MYOZ1: variants seen among roughly 807,000 people sequenced by gnomAD.
MYOZ1 encodes myozenin-1.
MYOZ1 carries 20 observed loss-of-function variants against 28.7 expected under a neutral mutation model. That is an observed-to-expected ratio of 0.70 (90% CI 0.49 to 1.01). The LOEUF (loss-of-function observed/expected upper bound fraction) is 1.01. MYOZ1 is among the 50% of genes least tolerant of loss of function. The pLI, the probability that MYOZ1 is intolerant of heterozygous loss-of-function variation, is 0.00. For synonymous variants in MYOZ1, 144 were observed against 145.8 expected (o/e 0.99, Z 0.09); for missense variants, 371 against 372.4 (o/e 1.00, Z 0.03).
chr10:73,636,491 C>A (rs2081667971), intron 3 of MYOZ1, among the ~76,000 whole-genome samples: 1 of 152,002 alleles, frequency 6.6e-6, no homozygotes, highest in Non-Finnish European at 1.5e-5. Flanking sequence ...TTCTCTGTCA[C>A]CCAGGCTGGA....
In MYOZ1 at chr10:73,634,725, G is replaced by A. The variant is rs759500912; in HGVS notation, c.261C>T (p.Phe87=). 3.7e-6 allele frequency: 6 copies of A among 1,611,690 alleles called. No individual in the cohort carries two copies. Among genetic ancestry groups the A allele is most frequent in the Non-Finnish European group, 5.1e-6 (6 of 1,178,108 alleles). ...CCCCCACTGTTGGAAGGAACTTCTG[G>A]AAGTGATCCTGAAAAGAAGACAAAG... ...DVFSDSSMDH[F]QKFLPTVGGQ... is the part of the protein sequence containing the mutation. Residue 87 remains phenylalanine, a synonymous_variant, in exon 4 of 6, where the codon TTC becomes TTT. Transcript: ENST00000359322.
Position 73,640,137 on chromosome 10 carries a change from G to A in MYOZ1, c.-18-102C>T. ...TCTTAACCTGGGTTTAAGGGCTTGA[G>A]GGGACAAAAAAATTTTTTTTTCTTT... On this transcript the variant is annotated intron_variant, in intron 1 of 5. Coordinates refer to ENST00000359322, the MANE Select transcript of MYOZ1 (RefSeq NM_021245.4). The A allele has an allele frequency of 4.1e-6, 4 of 964,236 alleles. No homozygotes were observed. In the East Asian group the frequency reaches 1.0e-4, roughly 25 times the overall value. 59.7% of individuals were successfully genotyped at this position (964,236 alleles called of 1,614,324 possible).
chr10:73,638,683 T>TTTAC (rs2081684427), intron 2 of MYOZ1, among the ~76,000 whole-genome samples: 4 of 149,980 alleles, frequency 2.7e-5, no homozygotes, highest in Non-Finnish European at 4.5e-5. Flanking sequence ...TATTTATTTA[T>TTTAC]TGAGTCAGAG....
chr10:73,636,229 C>T (rs1295508919), intron 3 of MYOZ1, among the ~76,000 whole-genome samples: 1 of 152,156 alleles, frequency 6.6e-6, no homozygotes, highest in African/African-American at 2.4e-5. Flanking sequence ...TGGCCCCTCT[C>T]CAGTCTCCTC....
rs200349316 is a variant in MYOZ1 at position 73,637,010 on chromosome 10, C to CTTTTTTTT, written c.252+733_252+734insAAAAAAAA. 1.7e-3 allele frequency among the ~76,000 whole-genome samples: 229 copies of CTTTTTTTT among 137,440 alleles called. 3 individuals are homozygous for CTTTTTTTT. The highest frequency in any genetic ancestry group is 4.3e-3 in the East Asian group (20 of 4,616). 90.2% of individuals were successfully genotyped at this position (137,440 alleles called of 152,430 possible). On this transcript the variant is annotated intron_variant, in intron 3 of 5. Coordinates refer to ENST00000359322, the MANE Select transcript of MYOZ1 (RefSeq NM_021245.4). ...TTATCTTCTTCCTTTTTTCTTTTTT[C>CTTTTTTTT]TTTCTTTTTTTTTTTTTTTTGAGAC...
At chr10:73,640,082 A>G (rs959288128) in intron 1 of MYOZ1, 47 bp from the exon 2 acceptor site, 1 of 1,483,854 alleles carries the variant, frequency 6.7e-7, no homozygotes, top group South Asian at 1.1e-5. Flanking sequence ...AGGGACTGGG[A>G]AGAGTGAGTG....
chr10:73,638,261 C>G (rs911470489), intron 2 of MYOZ1, among the ~76,000 whole-genome samples: 2 of 150,844 alleles, frequency 1.3e-5, no homozygotes, highest in African/African-American at 4.9e-5. Context: ...AACCCAGAGG[C>G]CAATCTTGTG....
Position 73,634,560 on chromosome 10 carries a change from C to T in MYOZ1, c.426G>A (p.Gly142=). The T allele has an allele frequency of 6.2e-7, 1 of 1,614,156 alleles. No individual in the cohort carries two copies. Among genetic ancestry groups the T allele is most frequent in the Non-Finnish European group, 8.5e-7 (1 of 1,180,028 alleles). The change falls in exon 4 of 6, where the codon GGG becomes GGA. Residue 142 remains glycine, a synonymous_variant. Transcript: ENST00000359322. ...QHHLGSGSGA[G]GTGGPAGQAG... Reference sequence around the variant, plus strand: ...CCTGGCCCGCGGGACCACCTGTACCCCCAGCTCCAGACCCAGAGCCCAGAT... The same window carrying T: ...CCTGGCCCGCGGGACCACCTGTACCTCCAGCTCCAGACCCAGAGCCCAGAT...
At chr10:73,635,095 A>G (rs1720698332) in intron 3 of MYOZ1, among the ~76,000 whole-genome samples, 2 of 151,326 alleles carry the variant, frequency 1.3e-5, no homozygotes, top group Admixed American at 1.3e-4. Flanking sequence ...GGCTAATTTG[A>G]TATATTTTTA....
At position 73,633,930 on chromosome 10, in the gene MYOZ1, G is replaced by A; in HGVS notation, c.638C>T (p.Ala213Val). ...GAAGGACTTATATTTGGGAAGTTCA[G>A]CTTTGGCCCCATAGGCCAGCAGGTC... ...GIDLLAYGAK[A>V]ELPKYKSFNR... The change falls in exon 5 of 6, where the codon GCT (alanine) becomes GTT (valine). Residue 213 changes from alanine (A) to valine (V), a missense_variant. Ala to Val is a moderately conservative substitution (Grantham distance 64). Transcript: ENST00000359322. The A allele has an allele frequency of 6.2e-7, 1 of 1,613,286 alleles. No individual in the cohort carries two copies. Among genetic ancestry groups the A allele is most frequent in the Non-Finnish European group, 8.5e-7 (1 of 1,179,764 alleles).
At chr10:73,637,308 C>G (rs928405067) in intron 3 of MYOZ1, among the ~76,000 whole-genome samples, 2 of 152,092 alleles carry the variant, frequency 1.3e-5, no homozygotes, top group African/African-American at 4.8e-5. Flanking sequence ...AGCCACCATG[C>G]CTGGCTGCCT....
chr10:73,640,199 A>T (rs2081695491), intron 1 of MYOZ1, among the ~76,000 whole-genome samples, 164 bp from the exon 2 acceptor site: 2 of 152,140 alleles, frequency 1.3e-5, no homozygotes, highest in South Asian at 4.1e-4. Context: ...CCCAGGCTGG[A>T]GTGCAATGGC....
In MYOZ1 at chr10:73,634,550, C is replaced by G; in HGVS notation, c.436G>C (p.Gly146Arg). The part of the protein sequence containing the change: ...GSGSGAGGTG[G>R]PAGQAGRGGA... ...CCTCTGCCAGCCTGGCCCGCGGGAC[C>G]ACCTGTACCCCCAGCTCCAGACCCA... The change falls in exon 4 of 6, where the codon GGT (glycine) becomes CGT (arginine). Residue 146 changes from glycine (G) to arginine (R), a missense_variant. Coordinates refer to ENST00000359322, the MANE Select transcript of MYOZ1 (RefSeq NM_021245.4). The G allele has an allele frequency of 6.2e-7, 1 of 1,614,144 alleles. No homozygotes were observed. The highest frequency in any genetic ancestry group is 8.5e-7 in the Non-Finnish European group (1 of 1,180,038).
intron 1 of MYOZ1, 82 bp from the exon 2 acceptor site, chr10:73,640,117 A>G (rs2081694712): frequency 8.1e-7 from 1 of 1,237,900 alleles, no homozygotes. Context: ...GCACTTCTTA[A>G]CCTGGGTTTA....
At chr10:73,636,924 A>C (rs1024006321) in intron 3 of MYOZ1, among the ~76,000 whole-genome samples, 6 of 152,074 alleles carry the variant, frequency 3.9e-5, no homozygotes, top group African/African-American at 9.7e-5. Flanking sequence ...TTCATTGTGC[A>C]TCTGAAACTC....
chr10:73,633,268 G>A (rs1237538201), intron 5 of MYOZ1, among the ~76,000 whole-genome samples: 1 of 152,156 alleles, frequency 6.6e-6, no homozygotes, highest in East Asian at 1.9e-4. Flanking sequence ...CTGCACTCCA[G>A]CCTGGGCAAC....
At chr10:73,636,607 C>T (rs930521965) in intron 3 of MYOZ1, among the ~76,000 whole-genome samples, 1 of 151,952 alleles carries the variant, frequency 6.6e-6, no homozygotes, top group African/African-American at 2.4e-5. Flanking sequence ...AGGTGTGCGC[C>T]ACCAGACCCA....
chr10:73,633,321 A>G (rs1372836305), intron 5 of MYOZ1, among the ~76,000 whole-genome samples: 4 of 152,200 alleles, frequency 2.6e-5, no homozygotes, highest in Non-Finnish European at 4.4e-5. Flanking sequence ...AAGAAAGAAA[A>G]GAAAAAAGTA....
chr10:73,635,594 G>A (rs1033233139), intron 3 of MYOZ1, among the ~76,000 whole-genome samples: 3 of 151,568 alleles, frequency 2.0e-5, no homozygotes, highest in African/African-American at 7.3e-5. Flanking sequence ...CATGTGCCCA[G>A]GCTGGTCTCA....
Sources: allele counts gnomAD v4.1 joint callset (sites outside exome capture counted in the v4.1 genomes callset), GRCh38; gene constraint gnomAD v4.1.1; transcripts MANE v1.5; gene names NCBI Gene and HGNC (gene_info 2026-07-23, HGNC 2026-07-21).